The following CFAP61 variants were observed in gnomAD, a reference collection of about 807,000 sequenced individuals.
The protein encoded by CFAP61 is cilia and flagella associated protein 61.
CFAP61 carries 107 observed loss-of-function variants against 135.6 expected under a neutral mutation model. That is an observed-to-expected ratio of 0.79 (90% confidence interval 0.67 to 0.93). The LOEUF (loss-of-function observed/expected upper bound fraction) is 0.93, where lower values mean the gene tolerates loss of function less well. Ranked by LOEUF, CFAP61 falls within the 40% of genes least tolerant of loss-of-function variation. The pLI is 0.00. For missense variants in CFAP61, 1,507 were observed against 1,556.2 expected (o/e 0.97, Z 0.53); for synonymous variants, 575 against 578.5 (o/e 0.99, Z 0.09).
intron 13 of CFAP61, among the ~76,000 whole-genome samples, chr20:20,187,251 A>C (rs1387491936): frequency 6.6e-6 from 1 of 152,156 alleles, no homozygotes; most frequent in African/African-American, 2.4e-5. Context: ...CAACCAAAGC[A>C]ACCAATGTCG....
intron 25 of CFAP61, among the ~76,000 whole-genome samples, chr20:20,331,601 A>T (rs1163278614): frequency 6.6e-6 from 1 of 152,208 alleles, no homozygotes; most frequent in Non-Finnish European, 1.5e-5. Context: ...CAGAATTTAA[A>T]GAGCCATTAC....
At chr20:20,236,506 CT>C (rs2049602872) in intron 18 of CFAP61, among the ~76,000 whole-genome samples, 1 of 152,200 alleles carries the variant, frequency 6.6e-6, no homozygotes, top group Non-Finnish European at 1.5e-5. Flanking sequence ...CACATCATTA[CT>C]TTGGGGCTTA....
intron 8 of CFAP61, among the ~76,000 whole-genome samples, chr20:20,104,133 G>A (rs2048217446): frequency 6.6e-6 from 1 of 152,274 alleles, no homozygotes; most frequent in South Asian, 2.1e-4. Flanking sequence ...AATAACTAGT[G>A]TAGCCCCTTG....
intron 13 of CFAP61, among the ~76,000 whole-genome samples, chr20:20,187,259 T>C (rs892402864): frequency 2.8e-4 from 42 of 152,118 alleles, no homozygotes; most frequent in Non-Finnish European, 3.5e-4. Flanking sequence ...GCAACCAATG[T>C]CGCTCCTGGC....
At chr20:20,140,128 A>ATTTTTTTTTTTTTTTTTTTTTTTTTTT (rs3060428) in intron 8 of CFAP61, among the ~76,000 whole-genome samples, 1 of 97,308 alleles carries the variant, frequency 1.0e-5, no homozygotes, top group Non-Finnish European at 1.9e-5. Context: ...GGTGCTGGAA[A>ATTTTTTTTTTTTTTTTTTTTTTTTTTT]TTTTTTTTTT....
intron 1 of CFAP61, among the ~76,000 whole-genome samples, chr20:20,054,129 T>C (rs1277593276): frequency 1.3e-5 from 2 of 151,890 alleles, no homozygotes; most frequent in African/African-American, 4.8e-5. Context: ...TTTAATCTTG[T>C]ATTCCACTTC....
intron 7 of CFAP61, among the ~76,000 whole-genome samples, chr20:20,093,854 T>C (rs1343394355): frequency 6.6e-6 from 1 of 151,932 alleles, no homozygotes; most frequent in African/African-American, 2.4e-5. Flanking sequence ...TGAGACACAA[T>C]CCATATATTT....
chr20:20,166,187 G>A (rs2053814428), intron 11 of CFAP61, among the ~76,000 whole-genome samples: 2 of 152,212 alleles, frequency 1.3e-5, no homozygotes. Context: ...GTTAATTGAT[G>A]TGAAAGTGCC....
chr20:20,209,841 T>C (rs999404526), intron 17 of CFAP61, among the ~76,000 whole-genome samples: 1 of 152,136 alleles, frequency 6.6e-6, no homozygotes, highest in Non-Finnish European at 1.5e-5. Context: ...TACCTGCTGC[T>C]TGGGTAGTGC....
At chr20:20,275,126 G>C (rs756553766) in intron 21 of CFAP61, among the ~76,000 whole-genome samples, 2 of 152,168 alleles carry the variant, frequency 1.3e-5, no homozygotes, top group Non-Finnish European at 2.9e-5. Context: ...TTGCCTTTCT[G>C]TGCACCTGCA....
chr20:20,164,508 T>G (rs1420909453), intron 11 of CFAP61, among the ~76,000 whole-genome samples: 5 of 152,226 alleles, frequency 3.3e-5, no homozygotes, highest in Non-Finnish European at 7.3e-5. Context: ...GCTCCCATTC[T>G]GTAAAGTTTG....
At chr20:20,241,927 A>T (rs2050038488) in intron 18 of CFAP61, among the ~76,000 whole-genome samples, 1 of 152,170 alleles carries the variant, frequency 6.6e-6, no homozygotes, top group South Asian at 2.1e-4. Context: ...AAAATTTTTT[A>T]TTCTTATTAT....
chr20:20,310,230 A>G (rs1048090166), intron 25 of CFAP61, among the ~76,000 whole-genome samples: 1 of 152,050 alleles, frequency 6.6e-6, no homozygotes, highest in African/African-American at 2.4e-5. Flanking sequence ...CTGATCTCAG[A>G]TGATCCACCT....
intron 25 of CFAP61, among the ~76,000 whole-genome samples, chr20:20,338,196 G>C (rs1297976617): frequency 6.6e-6 from 1 of 152,192 alleles, no homozygotes; most frequent in Non-Finnish European, 1.5e-5. Flanking sequence ...GGCTGAGCTT[G>C]ACGTTCGGGC....
Position 20,190,226 on chromosome 20 carries a change from A to G in CFAP61, c.1513-1116A>G, listed in dbSNP as rs975772898. Among the ~76,000 whole-genome samples, 15 of 152,344 alleles carry G rather than the reference A, an allele frequency of 9.8e-5. No homozygotes were observed. In the South Asian group the frequency reaches 1.7e-3, roughly 17 times the overall value. ...CAGCAAAGATATCCTTCAACAGATG[A>G]ATGGTTAAACACACTGTGGCACATC... On this transcript the variant is annotated intron_variant, in intron 14 of 26. Coordinates refer to ENST00000245957, the MANE Select transcript of CFAP61 (RefSeq NM_015585.4).
chr20:20,092,156 C>G (rs2047247285), intron 7 of CFAP61, among the ~76,000 whole-genome samples: 1 of 152,212 alleles, frequency 6.6e-6, no homozygotes. Context: ...TCTTCCATGA[C>G]AATTACAGTT....
At chr20:20,355,846 GGTCACACTGAGGGGAGGTA>G in intron 26 of CFAP61, among the ~76,000 whole-genome samples, 3 of 140,884 alleles carry the variant, frequency 2.1e-5, no homozygotes, top group African/African-American at 8.3e-5. Context: ...GAGGGGAGGT[GGTCACACTGAGGGGAGGTA>G]GTCACACTGT....
intron 1 of CFAP61, 114 bp downstream of exon 1, chr20:20,052,705 C>T: frequency 6.2e-7 from 1 of 1,610,878 alleles, no homozygotes; most frequent in Non-Finnish European, 8.5e-7. Flanking sequence ...ACGAGTGGCT[C>T]TGTCGAGCCG....
chr20:20,213,078 CAG>C (rs1257020965), intron 17 of CFAP61, among the ~76,000 whole-genome samples: 6 of 152,240 alleles, frequency 3.9e-5, no homozygotes, highest in African/African-American at 1.2e-4. Flanking sequence ...CCATAGAACA[CAG>C]AGGTGGCATG....
Sources: gnomAD v4.1 joint callset for allele counts (sites outside exome capture counted in the v4.1 genomes callset) on GRCh38, gnomAD v4.1.1 for gene constraint, MANE v1.5 for transcripts, NCBI Gene and HGNC (gene_info 2026-07-23, HGNC 2026-07-21) for gene names.